Variants in USP13 observed in about 807,000 individuals in gnomAD.
The protein encoded by USP13 is ubiquitin specific peptidase 13.
In USP13, 68 loss-of-function variants were observed where a neutral mutation model predicts 107.8. The ratio of observed to expected loss-of-function variants is 0.63; its 90% confidence interval spans 0.52 to 0.77. The LOEUF (loss-of-function observed/expected upper bound fraction) is 0.77. USP13 is among the 30% of genes least tolerant of loss of function. USP13 has a pLI of 0.00. For synonymous variants in USP13, 377 were observed against 389.5 expected (o/e 0.97, Z 0.38); for missense variants, 945 against 1,093.3 (o/e 0.86, Z 1.91).
chr3:179,782,574 T>G (rs1170707255), intron 20 of USP13, among the ~76,000 whole-genome samples: 1 of 152,104 alleles, frequency 6.6e-6, no homozygotes, highest in Non-Finnish European at 1.5e-5. Context: ...CACTTCTGCT[T>G]GAGGGCAGTG....
chr3:179,679,792 T>C (rs982162152), intron 1 of USP13, among the ~76,000 whole-genome samples: 1 of 112,110 alleles, frequency 8.9e-6, no homozygotes, highest in African/African-American at 3.5e-5. Flanking sequence ...GACCTATCCT[T>C]AGTTTTTTTT....
intron 16 of USP13, among the ~76,000 whole-genome samples, chr3:179,758,184 C>T (rs190578668): frequency 6.6e-6 from 1 of 152,130 alleles, no homozygotes; most frequent in East Asian, 1.9e-4. Flanking sequence ...AGACCGAAGA[C>T]CTGGGACCAG....
intron 16 of USP13, among the ~76,000 whole-genome samples, chr3:179,758,776 A>C (rs1207785008): frequency 1.3e-5 from 2 of 151,594 alleles, no homozygotes; most frequent in Admixed American, 1.3e-4. Flanking sequence ...GGGATTACAC[A>C]CGTGAGCCAC....
chr3:179,658,385 C>T (rs936249259), intron 1 of USP13, among the ~76,000 whole-genome samples: 9 of 152,184 alleles, frequency 5.9e-5, no homozygotes, highest in South Asian at 2.1e-4. Flanking sequence ...TGTGTCATGC[C>T]GCACAGCGGT....
chr3:179,741,267 G>C (rs1714189016), intron 11 of USP13, among the ~76,000 whole-genome samples: 1 of 152,092 alleles, frequency 6.6e-6, no homozygotes, highest in African/African-American at 2.4e-5. Context: ...CCAGGCTGGA[G>C]TGCAGTGGCA....
intron 6 of USP13, among the ~76,000 whole-genome samples, chr3:179,714,401 G>A (rs1359777463): frequency 6.6e-6 from 1 of 152,208 alleles, no homozygotes. Context: ...GTTTTGGCCT[G>A]GCCTCGGCCC....
intron 19 of USP13, among the ~76,000 whole-genome samples, chr3:179,770,716 T>A (rs771792123): frequency 3.3e-5 from 5 of 152,102 alleles, no homozygotes; most frequent in Non-Finnish European, 7.4e-5. Context: ...GCTATTCTCC[T>A]GCCTCAGCCT....
chr3:179,681,646 G>T (rs1180132122), intron 1 of USP13, among the ~76,000 whole-genome samples: 1 of 151,942 alleles, frequency 6.6e-6, no homozygotes, highest in African/African-American at 2.4e-5. Flanking sequence ...CCTTAAGGGA[G>T]GGGGGTGAAA....
At chr3:179,700,487 T>C (rs1712477079) in intron 3 of USP13, among the ~76,000 whole-genome samples, 1 of 152,074 alleles carries the variant, frequency 6.6e-6, no homozygotes, top group Non-Finnish European at 1.5e-5. Flanking sequence ...GCTTAGAGAG[T>C]TTATGACTTG....
intron 19 of USP13, among the ~76,000 whole-genome samples, chr3:179,773,778 A>G (rs575794235): frequency 3.3e-5 from 5 of 152,374 alleles, no homozygotes; most frequent in South Asian, 4.1e-4. Flanking sequence ...TGTCAGGACC[A>G]TAAATCCTTG....
chr3:179,764,746 T>C (rs1715118941), intron 18 of USP13, among the ~76,000 whole-genome samples: 1 of 152,190 alleles, frequency 6.6e-6, no homozygotes, highest in South Asian at 2.1e-4. Context: ...ATCTGTTTAA[T>C]CTTGAGGGAA....
At position 179,675,693 on chromosome 3, in the gene USP13, G is replaced by A. The variant is rs190344782; in HGVS notation, c.169-6185G>A. 4.5e-3 allele frequency among the ~76,000 whole-genome samples: 677 copies of A among 151,948 alleles called. 3 individuals carry two copies. Among genetic ancestry groups the A allele is most frequent in the Admixed American group, 6.8e-3 (103 of 15,254 alleles). On this transcript the variant is annotated intron_variant, in intron 1 of 20. Transcript: ENST00000263966. ...CTCCTGAGTAGCTGGGACTAGAAGCGTGTTCCGCCACGCCTGGCTAATTTT... is the reference window on the plus strand; with the variant it reads ...CTCCTGAGTAGCTGGGACTAGAAGCATGTTCCGCCACGCCTGGCTAATTTT...
At chr3:179,731,418 A>T (rs1713800605) in intron 10 of USP13, among the ~76,000 whole-genome samples, 1 of 152,086 alleles carries the variant, frequency 6.6e-6, no homozygotes, top group South Asian at 2.1e-4. Context: ...AAACAAACAA[A>T]CAAAAAACAA....
chr3:179,686,409 C>T (rs1293269531), intron 2 of USP13, among the ~76,000 whole-genome samples: 1 of 152,152 alleles, frequency 6.6e-6, no homozygotes, highest in Non-Finnish European at 1.5e-5. Context: ...TAGTGAGACT[C>T]CGTCTTGACA....
In USP13 at chr3:179,788,025, T is replaced by G. The variant is rs778165855; in HGVS notation, c.*3884T>G. The G allele has an allele frequency of 6.6e-6, 1 of 152,268 alleles. No homozygotes were observed. Among genetic ancestry groups the G allele is most frequent in the East Asian group, 1.9e-4 (1 of 5,206 alleles). The allele number at this position is 152,268 out of a possible 1,614,324, so 9.4% of individuals were successfully genotyped here. On this transcript the variant is annotated 3_prime_UTR_variant, in exon 21 of 21. Coordinates refer to ENST00000263966, the MANE Select transcript of USP13 (RefSeq NM_003940.3). Reference sequence around the variant, plus strand: ...GAAAAGCCTCAGAACTGCCTTCAACTACATCTGTCACCTTTATAGAATATT... The same window carrying G: ...GAAAAGCCTCAGAACTGCCTTCAACGACATCTGTCACCTTTATAGAATATT...
chr3:179,765,161 GTGT>G (rs2108538973), intron 18 of USP13, among the ~76,000 whole-genome samples: 1 of 152,344 alleles, frequency 6.6e-6, no homozygotes, highest in Admixed American at 6.5e-5. Context: ...TAACTAATCA[GTGT>G]TGTTGTCATT....
At chr3:179,776,476 G>T (rs1227751973) in intron 19 of USP13, among the ~76,000 whole-genome samples, 1 of 152,196 alleles carries the variant, frequency 6.6e-6, no homozygotes, top group African/African-American at 2.4e-5. Flanking sequence ...AGGTTGGGTA[G>T]GGATGGTAGT....
intron 1 of USP13, among the ~76,000 whole-genome samples, chr3:179,657,721 G>A (rs992182824): frequency 1.0e-4 from 13 of 125,018 alleles, no homozygotes; most frequent in Admixed American, 6.7e-4. Context: ...CCGAGATTGC[G>A]TCACTGCACT....
chr3:179,757,568 G>C (rs1258517674), intron 16 of USP13, among the ~76,000 whole-genome samples: 1 of 152,058 alleles, frequency 6.6e-6, no homozygotes, highest in Admixed American at 6.6e-5. Context: ...TAGCCTTTTA[G>C]TTCCTAATCC....
Sources: gnomAD v4.1 joint callset for allele counts (sites outside exome capture counted in the v4.1 genomes callset) on GRCh38, gnomAD v4.1.1 for gene constraint, MANE v1.5 for transcripts, NCBI Gene and HGNC (gene_info 2026-07-23, HGNC 2026-07-21) for gene names.